Variants in CFAP91 observed in about 807,000 individuals in gnomAD.
The protein encoded by CFAP91 is cilia and flagella associated protein 91, also known as cilia- and flagella-associated protein 91.
A neutral mutation model predicts 95.9 loss-of-function variants in CFAP91; 85 were observed. The observed-to-expected ratio is 0.89, with a 90% confidence interval of 0.74 to 1.06. The LOEUF (loss-of-function observed/expected upper bound fraction) is 1.06, where lower values mean the gene tolerates loss of function less well. Among genes scored for constraint, CFAP91 ranks in the 50% least tolerant of loss-of-function variants. CFAP91 has a pLI of 0.00. For missense variants in CFAP91, 962 were observed against 943.4 expected, an observed-to-expected ratio of 1.02 and a Z score of -0.26; for synonymous variants, 335 against 327.5, an observed-to-expected ratio of 1.02 and a Z score of -0.25.
In CFAP91 at chr3:119,755,297, G is replaced by A. The variant is rs184907446; in HGVS notation, c.*1+4199G>A. 7.3e-3 allele frequency among the ~76,000 whole-genome samples: 1,112 copies of A among 152,302 alleles called. 7 individuals are homozygous for A. The highest frequency in any genetic ancestry group is 0.037 in the Middle Eastern group (11 of 294). The stretch of plus-strand genomic sequence containing the variant: ...TTCTACCTGGGGTAGAATGCTTGTG[G>A]ATTGAAATGTGTCCTTGAAAATGCG... On this transcript the variant is annotated intron_variant, in intron 17 of 17. Coordinates refer to ENST00000273390, the MANE Select transcript of CFAP91 (RefSeq NM_033364.4).
chr3:119,726,591 A>G (rs2053789152), intron 7 of CFAP91, among the ~76,000 whole-genome samples: 1 of 152,180 alleles, frequency 6.6e-6, no homozygotes, highest in African/African-American at 2.4e-5. Flanking sequence ...TGTTTGAAGA[A>G]GCTCAGCATG....
intron 17 of CFAP91, among the ~76,000 whole-genome samples, chr3:119,751,941 C>T (rs1478797815): frequency 1.3e-5 from 2 of 152,192 alleles, no homozygotes; most frequent in Admixed American, 6.5e-5. Flanking sequence ...ATACATTCCT[C>T]CCAGTTCAGA....
intron 16 of CFAP91, among the ~76,000 whole-genome samples, chr3:119,748,727 G>A (rs2054270798): frequency 6.6e-6 from 1 of 152,192 alleles, no homozygotes; most frequent in African/African-American, 2.4e-5. Flanking sequence ...TTGCATGGTT[G>A]TAGTGTAATT....
chr3:119,728,649 T>A (rs943461729), intron 7 of CFAP91, among the ~76,000 whole-genome samples: 1 of 152,140 alleles, frequency 6.6e-6, no homozygotes, highest in African/African-American at 2.4e-5. Context: ...CTCTCGCCCC[T>A]CTCAAGTGCA....
At chr3:119,703,272 G>A in intron 1 of CFAP91, 50 bp downstream of exon 1, 1 of 1,599,268 alleles carries the variant, frequency 6.3e-7, no homozygotes, top group Non-Finnish European at 8.5e-7. Context: ...CCTAGGCCAG[G>A]TGGGCTCCCA....
intron 2 of CFAP91, 48 bp downstream of exon 2, chr3:119,706,933 T>C (rs750059348): frequency 7.0e-7 from 1 of 1,438,822 alleles, no homozygotes; most frequent in South Asian, 1.1e-5. Context: ...CTGAACCATC[T>C]AGTTTGCCTG....
At chr3:119,720,619 C>A (rs1355131097) in intron 6 of CFAP91, among the ~76,000 whole-genome samples, 1 of 152,128 alleles carries the variant, frequency 6.6e-6, no homozygotes, top group Non-Finnish European at 1.5e-5. Flanking sequence ...CTGCTTTATG[C>A]AACTTCTTTC....
chr3:119,746,968 TA>T, intron 14 of CFAP91, 146 bp from the exon 15 acceptor site: 1 of 582,946 alleles, frequency 1.7e-6, no homozygotes, highest in Non-Finnish European at 2.8e-6. Flanking sequence ...GATGAGATGC[TA>T]AAGAAAATGA....
chr3:119,706,776 A>G (rs757639197), intron 1 of CFAP91, 33 bp from the exon 2 acceptor site: 4 of 1,510,850 alleles, frequency 2.6e-6, no homozygotes, highest in South Asian at 1.1e-5. Context: ...GATATGTTCT[A>G]TCTGTTATGC....
chr3:119,717,494 G>T (rs2107866267), intron 6 of CFAP91, among the ~76,000 whole-genome samples: 1 of 149,916 alleles, frequency 6.7e-6, no homozygotes, highest in East Asian at 2.0e-4. Context: ...CCTACCATAT[G>T]TATAGATATT....
chr3:119,750,143 C>T (rs1053639652), intron 16 of CFAP91: 1 of 152,192 alleles, frequency 6.6e-6, no homozygotes, highest in Non-Finnish European at 1.5e-5. Flanking sequence ...GATACCCAAA[C>T]AGCAAAGAAT....
intron 13 of CFAP91, among the ~76,000 whole-genome samples, chr3:119,741,392 G>C (rs750031417): frequency 6.6e-6 from 1 of 152,072 alleles, no homozygotes; most frequent in African/African-American, 2.4e-5. Flanking sequence ...TAAAATATTA[G>C]CATTTATTTT....
chr3:119,728,479 G>T (rs557770381), intron 7 of CFAP91, among the ~76,000 whole-genome samples: 2 of 152,302 alleles, frequency 1.3e-5, no homozygotes, highest in African/African-American at 4.8e-5. Context: ...ACTTCATGAA[G>T]AGGGTACTAT....
chr3:119,737,627 C>T, intron 11 of CFAP91, 145 bp downstream of exon 11: 1 of 495,576 alleles, frequency 2.0e-6, no homozygotes, highest in Non-Finnish European at 3.6e-6. Context: ...TCTTATGTAT[C>T]AAACATCAGA....
At chr3:119,726,119 G>T in intron 6 of CFAP91, 52 bp from the exon 7 acceptor site, 1 of 1,479,360 alleles carries the variant, frequency 6.8e-7, no homozygotes, top group Non-Finnish European at 9.1e-7. Context: ...ATATACTGGG[G>T]GGTGCATGGG....
At chr3:119,764,332 T>C (rs1054776040) in intron 17 of CFAP91, among the ~76,000 whole-genome samples, 1 of 152,142 alleles carries the variant, frequency 6.6e-6, no homozygotes, top group East Asian at 1.9e-4. Context: ...CATCATATCA[T>C]ATGAAAATAT....
intron 16 of CFAP91, among the ~76,000 whole-genome samples, chr3:119,748,616 A>G (rs2054268935): frequency 6.6e-6 from 1 of 152,254 alleles, no homozygotes; most frequent in Non-Finnish European, 1.5e-5. Context: ...GATGGGCTTA[A>G]GCAGAAAAAT....
At position 119,709,730 on chromosome 3, in the gene CFAP91, G is replaced by A. The variant is rs2053440095; in HGVS notation, c.444-109G>A. ...AAGTTTGAGTAACACTGATATATGG[G>A]ATATTTAAGCTCACTGATTTTTAAG... is the stretch of plus-strand genomic sequence containing the variant. On this transcript the variant is annotated intron_variant, in intron 4 of 17. Transcript: ENST00000273390. 3 of 807,674 alleles carry A rather than the reference G, an allele frequency of 3.7e-6. No homozygotes were observed. The African/African-American group carries it at 5.2e-5, about 14-fold the overall frequency. The allele number at this position is 807,674 out of a possible 1,614,324, so 50.0% of individuals were successfully genotyped here.
chr3:119,710,425 A>T (rs1222598983), intron 5 of CFAP91: 1 of 153,386 alleles, frequency 6.5e-6, no homozygotes, highest in Non-Finnish European at 1.4e-5. Context: ...GACCTATGCT[A>T]GTTCTCTGTA....
Sources: gnomAD v4.1 joint callset for allele counts (sites outside exome capture counted in the v4.1 genomes callset) on GRCh38, gnomAD v4.1.1 for gene constraint, MANE v1.5 for transcripts, NCBI Gene and HGNC (gene_info 2026-07-23, HGNC 2026-07-21) for gene names.